The following SIPA1L1 variants were observed in gnomAD, a reference collection of about 807,000 sequenced individuals.
The protein encoded by SIPA1L1 is signal induced proliferation associated 1 like 1.
SIPA1L1 carries 26 observed loss-of-function variants against 162.7 expected under a neutral mutation model. That is an observed-to-expected ratio of 0.16 (90% CI 0.12 to 0.22). The LOEUF is 0.22. SIPA1L1 is among the 10% of genes least tolerant of loss of function. SIPA1L1 has a pLI of 1.00. For synonymous variants in SIPA1L1, 829 were observed against 837.4 expected, an observed-to-expected ratio of 0.99 and a Z score of 0.17; for missense variants, 1,874 against 2,241.0, an observed-to-expected ratio of 0.84 and a Z score of 3.31.
At chr14:71,428,821 C>T (rs570081281) in intron 2 of SIPA1L1, among the ~76,000 whole-genome samples, 1 of 152,350 alleles carries the variant, frequency 6.6e-6, no homozygotes, top group South Asian at 2.1e-4. Flanking sequence ...GTGCAAACTA[C>T]TCTAGGAAAT....
At chr14:71,636,341 A>C (rs942951745) in intron 7 of SIPA1L1, among the ~76,000 whole-genome samples, 6 of 152,268 alleles carry the variant, frequency 3.9e-5, no homozygotes, top group Admixed American at 2.0e-4. Context: ...AATAACAAAA[A>C]GTATATTTTC....
At chr14:71,391,572 T>A (rs1371011568) in intron 2 of SIPA1L1, among the ~76,000 whole-genome samples, 1 of 152,164 alleles carries the variant, frequency 6.6e-6, no homozygotes, top group African/African-American at 2.4e-5. Context: ...GACAACAGAT[T>A]TAAAATGATC....
chr14:71,696,592 T>G (rs2081647820), intron 13 of SIPA1L1, among the ~76,000 whole-genome samples: 1 of 152,264 alleles, frequency 6.6e-6, no homozygotes, highest in Non-Finnish European at 1.5e-5. Context: ...TTGGGGCATC[T>G]GACATAACTA....
chr14:71,650,160 C>G, intron 7 of SIPA1L1, 175 bp from the exon 8 acceptor site: 1 of 693,772 alleles, frequency 1.4e-6, no homozygotes, highest in Non-Finnish European at 2.5e-6. Context: ...TCATGAAGTT[C>G]GTAGATACTT....
chr14:71,407,589 C>T (rs965816734), intron 2 of SIPA1L1, among the ~76,000 whole-genome samples: 10 of 151,410 alleles, frequency 6.6e-5, no homozygotes, highest in African/African-American at 2.4e-4. Flanking sequence ...TGACTGAAGC[C>T]TGGAACACCT....
intron 2 of SIPA1L1, among the ~76,000 whole-genome samples, chr14:71,466,881 TTTCTC>T (rs2047044003): frequency 6.6e-6 from 1 of 152,224 alleles, no homozygotes; most frequent in Non-Finnish European, 1.5e-5. Context: ...TGATAACAAT[TTTCTC>T]TTCCATAGTA....
chr14:71,356,126 C>G (rs906672193), intron 2 of SIPA1L1, among the ~76,000 whole-genome samples: 1 of 152,176 alleles, frequency 6.6e-6, no homozygotes, highest in Non-Finnish European at 1.5e-5. Flanking sequence ...TCCACTTTCC[C>G]TACATAACAC....
chr14:71,507,227 C>T (rs545456091), intron 2 of SIPA1L1, among the ~76,000 whole-genome samples: 11 of 152,124 alleles, frequency 7.2e-5, no homozygotes, highest in Non-Finnish European at 1.2e-4. Flanking sequence ...GACAGCACAA[C>T]GTACTCTCAT....
chr14:71,705,943 C>T (rs138866425), intron 16 of SIPA1L1, among the ~76,000 whole-genome samples: 150 of 152,030 alleles, frequency 9.9e-4, no homozygotes, highest in African/African-American at 3.5e-3. Context: ...TCCCTGATAC[C>T]GCTATTGGGA....
intron 2 of SIPA1L1, among the ~76,000 whole-genome samples, chr14:71,352,084 G>T (rs2036773309): frequency 6.6e-6 from 1 of 151,548 alleles, no homozygotes; most frequent in Admixed American, 6.6e-5. Flanking sequence ...GGCCAGAGAA[G>T]GCCTCATTGA....
At position 71,672,384 on chromosome 14, in the gene SIPA1L1, C is replaced by T; in HGVS notation, c.2866C>T (p.Leu956=). The change falls in exon 12 of 24, where the codon CTG becomes TTG. Residue 956 remains leucine, a synonymous_variant. Transcript: ENST00000381232. ...SKGCESVEMT[L]RRNGLGQLGF... is the part of the protein sequence containing the mutation. Reference sequence around the variant, plus strand: ...AGGCTGTGAATCGGTGGAGATGACTCTGCGAAGAAATGGGCTAGGACAGCT... The same window carrying T: ...AGGCTGTGAATCGGTGGAGATGACTTTGCGAAGAAATGGGCTAGGACAGCT... 1 of 1,614,206 alleles carries T rather than the reference C, an allele frequency of 6.2e-7. No individual in the cohort carries two copies. The highest frequency in any genetic ancestry group is 8.5e-7 in the Non-Finnish European group (1 of 1,180,024).
rs186302888 is a variant in SIPA1L1, at chr14:71,596,657, C to T, written c.1498+7287C>T. Among the ~76,000 whole-genome samples, 248 of 152,268 alleles carry T rather than the reference C, an allele frequency of 1.6e-3. 1 individual carries two copies. Among genetic ancestry groups the T allele is most frequent in the African/African-American group, 5.2e-3 (216 of 41,546 alleles). On this transcript the variant is annotated intron_variant, in intron 5 of 23. Transcript: ENST00000381232. ...GTCTGGAGGAGAACAAATAGAGATA[C>T]ACCTCTGCCTTCATGGTATTTATAG...
Position 71,519,088 on chromosome 14 carries a change from G to A in SIPA1L1, c.-362+6243G>A, listed in dbSNP as rs1430454954. On this transcript the variant is annotated intron_variant, in intron 3 of 23. Coordinates refer to ENST00000381232, the MANE Select transcript of SIPA1L1 (RefSeq NM_001386936.1). ...TTCTGGGAGATACAATTCAAGTTGA[G>A]ATTTCAGTGGGGACACAGTCAAACC... Among the ~76,000 whole-genome samples the A allele has an allele frequency of 2.0e-5, 3 of 152,088 alleles. No homozygotes were observed. In the East Asian group the frequency reaches 5.8e-4, roughly 29 times the overall value.
At chr14:71,617,271 A>C (rs368198747) in intron 5 of SIPA1L1, among the ~76,000 whole-genome samples, 13 of 152,314 alleles carry the variant, frequency 8.5e-5, no homozygotes, top group African/African-American at 2.9e-4. Flanking sequence ...CTTTGTCAAC[A>C]CCTGGAATTA....
chr14:71,435,008 G>C (rs1174545502), intron 2 of SIPA1L1, among the ~76,000 whole-genome samples: 1 of 152,072 alleles, frequency 6.6e-6, no homozygotes, highest in Admixed American at 6.6e-5. Context: ...CCAATCTTTT[G>C]ATATTATTAA....
intron 2 of SIPA1L1, chr14:71,448,618 T>G (rs1428777638): frequency 2.6e-5 from 4 of 152,248 alleles, no homozygotes; most frequent in African/African-American, 9.6e-5. Context: ...TTTGCATTAA[T>G]GTGTTATGTT....
intron 7 of SIPA1L1, among the ~76,000 whole-genome samples, chr14:71,647,603 C>T (rs2042276556): frequency 6.6e-6 from 1 of 152,100 alleles, no homozygotes; most frequent in African/African-American, 2.4e-5. Flanking sequence ...CTTAAAGCCC[C>T]TTCCTGTCTA....
intron 3 of SIPA1L1, among the ~76,000 whole-genome samples, chr14:71,527,973 C>T (rs916877031): frequency 1.3e-5 from 2 of 152,126 alleles, no homozygotes; most frequent in Admixed American, 6.6e-5. Flanking sequence ...CTGCAAGCTC[C>T]GCCTCCCAGG....
chr14:71,357,716 C>A (rs1303113414), intron 2 of SIPA1L1, among the ~76,000 whole-genome samples: 2 of 152,088 alleles, frequency 1.3e-5, no homozygotes, highest in Non-Finnish European at 2.9e-5. Context: ...CATGAGCCAT[C>A]AATGCCGGCT....
Sources: allele counts gnomAD v4.1 joint callset (sites outside exome capture counted in the v4.1 genomes callset), GRCh38; gene constraint gnomAD v4.1.1; transcripts MANE v1.5; gene names NCBI Gene and HGNC (gene_info 2026-07-23, HGNC 2026-07-21).